KRR1: variants seen among roughly 807,000 people sequenced by gnomAD.
KRR1 encodes KRR1 small subunit processome component, also known as KRR1 small subunit processome component homolog.
A neutral mutation model predicts 50.0 loss-of-function variants in KRR1; 23 were observed. That is an observed-to-expected ratio of 0.46 (90% CI 0.33 to 0.65). The LOEUF (loss-of-function observed/expected upper bound fraction) is 0.65. KRR1 is among the 30% of genes least tolerant of loss of function. The pLI is 0.02. For synonymous variants in KRR1, 133 were observed against 146.3 expected (o/e 0.91, Z 0.66); for missense variants, 419 against 442.4 (o/e 0.95, Z 0.47).
chr12:75,505,314 GGATT>G, intron 5 of KRR1, 60 bp from the exon 6 acceptor site: 1 of 1,478,182 alleles, frequency 6.8e-7, no homozygotes, highest in Non-Finnish European at 9.1e-7. Context: ...ATGGAGAAGA[GGATT>G]AATACTGCAA....
intron 1 of KRR1, 36 bp downstream of exon 1, chr12:75,511,477 C>T: frequency 1.3e-6 from 2 of 1,577,048 alleles, no homozygotes; most frequent in Non-Finnish European, 1.7e-6. Context: ...ACTCAACGTA[C>T]ACAAACCCCA....
rs1245384061 is a variant in KRR1 at position 75,499,065 on chromosome 12, T to G, written c.*744A>C. On this transcript the variant is annotated 3_prime_UTR_variant, in exon 10 of 10. Transcript: ENST00000229214. ...CCAATAACAATTAGGTGTACTTCTATTTTAAAACATTTCAGAAAAAAATAT... is the reference window on the plus strand; with the variant it reads ...CCAATAACAATTAGGTGTACTTCTAGTTTAAAACATTTCAGAAAAAAATAT... 1.8e-5 allele frequency: 14 copies of G among 792,634 alleles called. No individual in the cohort carries two copies. The East Asian group carries it at 3.9e-4, about 22-fold the overall frequency. 49.1% of individuals were successfully genotyped at this position (792,634 alleles called of 1,614,324 possible).
At chr12:75,502,203 A>T (rs2046399146) in intron 7 of KRR1, 2 of 531,548 alleles carry the variant, frequency 3.8e-6, no homozygotes, top group Admixed American at 3.4e-5. Flanking sequence ...ACCTCCATGG[A>T]ATACAACCCA....
In KRR1 at chr12:75,498,726, T is replaced by C. The variant is rs2046368220; in HGVS notation, c.*1083A>G. ...ACAGCGAGACCAAGTCAAACGTACG[T>C]ACATCAATCTTAAATTGTTTCATTA... On this transcript the variant is annotated 3_prime_UTR_variant, in exon 10 of 10. Coordinates refer to ENST00000229214, the MANE Select transcript of KRR1 (RefSeq NM_007043.7). 2 of 1,612,282 alleles carry C rather than the reference T, an allele frequency of 1.2e-6. No homozygotes were observed. The highest frequency in any genetic ancestry group is 4.5e-5 in the East Asian group (2 of 44,838).
chr12:75,501,839 T>G, intron 8 of KRR1, 23 bp from the exon 9 acceptor site: 1 of 1,571,628 alleles, frequency 6.4e-7, no homozygotes, highest in Non-Finnish European at 8.7e-7. Flanking sequence ...ATAAAAAATA[T>G]ATCAGTTAAA....
chr12:75,492,265 A>T lies in KRR1; in HGVS notation c.*7544T>A, dbSNP rs1474278272. On this transcript the variant is annotated 3_prime_UTR_variant, in exon 10 of 10. Transcript: ENST00000229214. The stretch of plus-strand genomic sequence containing the variant: ...CACCATGCCCAGTTAATTTTTTTGT[A>T]GAGACAGAGTTTTGCCATATTGCCC... The T allele has an allele frequency of 1.3e-5, 2 of 152,250 alleles. No individual in the cohort carries two copies. The highest frequency in any genetic ancestry group is 4.8e-5 in the African/African-American group (2 of 41,512). The allele number at this position is 152,250 out of a possible 1,614,324, so 9.4% of individuals were successfully genotyped here.
chr12:75,510,482 CT>C lies in KRR1; in HGVS notation c.85+1030del, dbSNP rs535769475. On this transcript the variant is annotated intron_variant, in intron 1 of 9. Coordinates refer to ENST00000229214, the MANE Select transcript of KRR1 (RefSeq NM_007043.7). ...TAAAACTACACCCGCAAGTATCACCCTGTTTGAAAAACAAAAAGCTAAATCT... is the reference window on the plus strand; with the variant it reads ...TAAAACTACACCCGCAAGTATCACCCGTTTGAAAAACAAAAAGCTAAATCT... Among the ~76,000 whole-genome samples, 462 of 152,282 alleles carry C rather than the reference CT, an allele frequency of 3.0e-3. 2 individuals are homozygous for C. The highest frequency in any genetic ancestry group is 0.01 in the African/African-American group (418 of 41,564).
Position 75,511,592 on chromosome 12 carries a change from C to T in KRR1, c.6G>A (p.Ala2=), listed in dbSNP as rs1256194239. ...TTTCTGGCCGCTCCAGCGAGGGAGACGCCATTTGCAAGCTGCTTCCGGTGG... is the reference window on the plus strand; with the variant it reads ...TTTCTGGCCGCTCCAGCGAGGGAGATGCCATTTGCAAGCTGCTTCCGGTGG... M[A]SPSLERPEKG... is the part of the protein sequence containing the mutation. Residue 2 remains alanine (A), a synonymous_variant, in exon 1 of 10, where the codon GCG becomes GCA. Transcript: ENST00000229214. 1.1e-5 allele frequency: 18 copies of T among 1,614,000 alleles called. No homozygotes were observed. The highest frequency in any genetic ancestry group is 1.4e-5 in the Non-Finnish European group (17 of 1,179,880).
At position 75,491,905 on chromosome 12, in the gene KRR1, C is replaced by T. The variant is rs756039169; in HGVS notation, c.*7904G>A. 2 of 151,984 alleles carry T rather than the reference C, an allele frequency of 1.3e-5. No individual in the cohort carries two copies. The highest frequency in any genetic ancestry group is 2.9e-5 in the Non-Finnish European group (2 of 68,004). 9.4% of individuals were successfully genotyped at this position (151,984 alleles called of 1,614,324 possible). ...GAGATTGGCTGAAAGAAAGCCATTT[C>T]CCTGGTGTAATGTGCAGAAGACATG... On this transcript the variant is annotated 3_prime_UTR_variant, in exon 10 of 10. Coordinates refer to ENST00000229214, the MANE Select transcript of KRR1 (RefSeq NM_007043.7).
At chr12:75,506,742 TG>T in intron 3 of KRR1, 39 bp downstream of exon 3, 7 of 1,595,670 alleles carry the variant, frequency 4.4e-6, no homozygotes, top group African/African-American at 1.3e-5. Flanking sequence ...AGGTTAACAC[TG>T]ATGCAAACAA....
intron 2 of KRR1, among the ~76,000 whole-genome samples, chr12:75,507,278 A>G (rs1041914026): frequency 2.0e-5 from 3 of 152,214 alleles, no homozygotes; most frequent in African/African-American, 7.2e-5. Flanking sequence ...ACCCAGCTCC[A>G]GTCTACCATC....
chr12:75,509,945 G>A (rs1467030814), intron 1 of KRR1, among the ~76,000 whole-genome samples: 1 of 151,760 alleles, frequency 6.6e-6, no homozygotes, highest in Non-Finnish European at 1.5e-5. Context: ...CAAAGGCTAT[G>A]GATAATTTTT....
At chr12:75,501,656 C>A in intron 9 of KRR1, 67 bp downstream of exon 9, 1 of 1,033,118 alleles carries the variant, frequency 9.7e-7, no homozygotes. Flanking sequence ...TAAAAAGATT[C>A]AGACAAATTT....
At chr12:75,505,108 A>G in intron 6 of KRR1, 90 bp downstream of exon 6, 1 of 1,310,398 alleles carries the variant, frequency 7.6e-7, no homozygotes, top group Non-Finnish European at 1.0e-6. Context: ...GTGCATTAGA[A>G]TTTCATAAAA....
intron 1 of KRR1, among the ~76,000 whole-genome samples, chr12:75,509,412 T>C (rs1198511146): frequency 6.6e-6 from 1 of 152,042 alleles, no homozygotes; most frequent in Non-Finnish European, 1.5e-5. Context: ...AAACACGTCA[T>C]TACCCTATGT....
chr12:75,508,870 T>C (rs1566106413), intron 1 of KRR1, among the ~76,000 whole-genome samples: 1 of 152,242 alleles, frequency 6.6e-6, no homozygotes, highest in Non-Finnish European at 1.5e-5. Context: ...GTATGGAATC[T>C]GGATGTATGT....
chr12:75,511,365 C>T, intron 1 of KRR1, 148 bp downstream of exon 1: 1 of 684,028 alleles, frequency 1.5e-6, no homozygotes, highest in Non-Finnish European at 2.5e-6. Flanking sequence ...TCCTGTGGGC[C>T]CAGCCAAAAT....
At position 75,494,402 on chromosome 12, in the gene KRR1, A is replaced by G. The variant is rs1385275547; in HGVS notation, c.*5407T>C. ...TGACTTAGCAGTATCATCTTTGTAA[A>G]TATCAGATATTTTCATACCACATTC... On this transcript the variant is annotated 3_prime_UTR_variant, in exon 10 of 10. Transcript: ENST00000229214. 6.6e-6 allele frequency: 1 copy of G among 152,210 alleles called. No homozygotes were observed. The highest frequency in any genetic ancestry group is 1.5e-5 in the Non-Finnish European group (1 of 68,042). 9.4% of individuals were successfully genotyped at this position (152,210 alleles called of 1,614,324 possible).
chr12:75,507,289 T>TG (rs2046426775), intron 2 of KRR1, among the ~76,000 whole-genome samples: 1 of 152,202 alleles, frequency 6.6e-6, no homozygotes, highest in Non-Finnish European at 1.5e-5. Context: ...GTCTACCATC[T>TG]GCTCCATTGG....
Sources: gnomAD v4.1 joint callset for allele counts (sites outside exome capture counted in the v4.1 genomes callset) on GRCh38, gnomAD v4.1.1 for gene constraint, MANE v1.5 for transcripts, NCBI Gene and HGNC (gene_info 2026-07-23, HGNC 2026-07-21) for gene names.